Variants in ARID1B observed in about 807,000 individuals in gnomAD.
ARID1B encodes the protein AT-rich interaction domain 1B.
Under a neutral mutation model 212.3 loss-of-function variants are expected in ARID1B, and 30 were observed. That is an observed-to-expected ratio of 0.14 (90% confidence interval 0.11 to 0.19). The LOEUF is 0.19. ARID1B is among the 10% of genes least tolerant of loss of function. The pLI is 1.00. For synonymous variants in ARID1B, 1,402 were observed against 1,301.7 expected, an observed-to-expected ratio of 1.08 and a Z score of -1.66; for missense variants, 2,891 against 3,204.0, an observed-to-expected ratio of 0.90 and a Z score of 2.36.
chr6:156,853,715 T>C (rs1355285376), intron 2 of ARID1B, among the ~76,000 whole-genome samples: 1 of 152,136 alleles, frequency 6.6e-6, no homozygotes, highest in East Asian at 1.9e-4. Context: ...GGTCTCATAG[T>C]ATTACCTGCC....
chr6:156,797,116 C>T (rs1032444563), intron 1 of ARID1B, among the ~76,000 whole-genome samples: 1 of 152,128 alleles, frequency 6.6e-6, no homozygotes, highest in Non-Finnish European at 1.5e-5. Context: ...TAGCTGCTGC[C>T]GTCTACTCAG....
chr6:157,143,414 A>T (rs1789507345), intron 7 of ARID1B, among the ~76,000 whole-genome samples: 1 of 150,620 alleles, frequency 6.6e-6, no homozygotes, highest in South Asian at 2.1e-4. Context: ...TATTTTGGGA[A>T]GAAAGATACG....
intron 4 of ARID1B, among the ~76,000 whole-genome samples, chr6:157,006,525 G>A (rs891547707): frequency 2.6e-5 from 4 of 152,170 alleles, no homozygotes; most frequent in South Asian, 2.1e-4. Flanking sequence ...CTAGGAGAAC[G>A]TTTTTAATAA....
intron 1 of ARID1B, among the ~76,000 whole-genome samples, chr6:156,793,032 G>T (rs910480931): frequency 8.5e-5 from 13 of 152,120 alleles, no homozygotes; most frequent in African/African-American, 3.1e-4. Context: ...ACTGCAGTTC[G>T]CATGGCAGGC....
At position 157,148,210 on chromosome 6, in the gene ARID1B, T is replaced by G. The variant is rs1299864575; in HGVS notation, c.2762-414T>G. ...TTTTTGAGCCCTTTCACATGACTGT[T>G]GAAGGTAGCAGTGATCTAGTGGTGT... is the stretch of plus-strand genomic sequence containing the variant. On this transcript the variant is annotated intron_variant, in intron 7 of 19. Coordinates refer to ENST00000636930, the MANE Select transcript of ARID1B (RefSeq NM_001374828.1). This position sits in a 1 kb window ranked among gnomAD's most constrained non-coding sequence, Gnocchi z 5.6. Among the ~76,000 whole-genome samples, 1 of 152,146 alleles carries G rather than the reference T, an allele frequency of 6.6e-6. No individual in the cohort carries two copies. Among genetic ancestry groups the G allele is most frequent in the Non-Finnish European group, 1.5e-5 (1 of 68,026 alleles).
chr6:157,147,383 CCCCGCCTCCGACCCTGCCA>C, intron 7 of ARID1B, among the ~76,000 whole-genome samples: 3 of 83,078 alleles, frequency 3.6e-5, no homozygotes, highest in Non-Finnish European at 6.6e-5. Context: ...CAGCCCTCAC[CCCCGCCTCCGACCCTGCCA>C]TCCGTCCCTC....
chr6:156,901,689 C>G (rs1354263833), intron 3 of ARID1B, 164 bp downstream of exon 3: 3 of 899,068 alleles, frequency 3.3e-6, no homozygotes, highest in Admixed American at 3.1e-5. Context: ...TCTCTCCCTC[C>G]GTCTTTTCCC....
intron 1 of ARID1B, among the ~76,000 whole-genome samples, chr6:156,795,560 A>G (rs1474443570): frequency 1.3e-5 from 2 of 152,148 alleles, no homozygotes; most frequent in African/African-American, 2.4e-5. Context: ...AAACTCCTCC[A>G]GTTCTTCAGT....
intron 2 of ARID1B, among the ~76,000 whole-genome samples, chr6:156,830,215 G>C (rs1325264221): frequency 6.6e-6 from 1 of 152,134 alleles, no homozygotes; most frequent in East Asian, 1.9e-4. Flanking sequence ...TAGTTACTAG[G>C]AGCACCAGAA....
intron 4 of ARID1B, among the ~76,000 whole-genome samples, chr6:157,029,077 T>C (rs754628171): frequency 4.6e-5 from 7 of 152,218 alleles, no homozygotes; most frequent in Non-Finnish European, 8.8e-5. Context: ...ACATACTCAT[T>C]TTATTGCCAT....
At chr6:156,838,862 C>T (rs1317616411) in intron 2 of ARID1B, among the ~76,000 whole-genome samples, 1 of 152,074 alleles carries the variant, frequency 6.6e-6, no homozygotes, top group South Asian at 2.1e-4. Flanking sequence ...TCTGTGACCT[C>T]AGATACTCTC....
intron 8 of ARID1B, among the ~76,000 whole-genome samples, chr6:157,154,905 GT>G (rs1448593365): frequency 6.6e-6 from 1 of 151,610 alleles, no homozygotes; most frequent in East Asian, 1.9e-4. Context: ...CTACTTTTTT[GT>G]TTTGTTTTGT....
intron 1 of ARID1B, among the ~76,000 whole-genome samples, chr6:156,821,416 G>C (rs1040076160): frequency 1.3e-5 from 2 of 152,224 alleles, no homozygotes; most frequent in African/African-American, 2.4e-5. Context: ...AAGAGAAATA[G>C]CTTACAGCGA....
rs1330830235 is a variant in ARID1B at position 157,200,686 on chromosome 6, G to A, written c.4480-19G>A. ...CTGTAAGAGCACATCAGGATGATTT[G>A]TCTTTCTGTGAATTCCAGAATTACA... On this transcript the variant is annotated intron_variant, in intron 17 of 19. Transcript: ENST00000636930. The surrounding 1 kb of genome is among the most constrained non-coding windows in gnomAD (Gnocchi z 4.3). 2 of 1,582,470 alleles carry A rather than the reference G, an allele frequency of 1.3e-6. No homozygotes were observed. Among genetic ancestry groups the A allele is most frequent in the African/African-American group, 1.4e-5 (1 of 73,952 alleles).
Position 157,151,373 on chromosome 6 carries a change from A to G in ARID1B, c.3089+2422A>G, listed in dbSNP as rs552593526. ...CTGCAGTTGAGCTGACAGGCTATTC[A>G]TAGGACTTAGGAGGAGTTTCATTAT... On this transcript the variant is annotated intron_variant, in intron 8 of 19. Coordinates refer to ENST00000636930, the MANE Select transcript of ARID1B (RefSeq NM_001374828.1). 3 of 152,320 alleles carry G rather than the reference A, an allele frequency of 2.0e-5. No homozygotes were observed. The East Asian group carries it at 5.8e-4, about 29-fold the overall frequency. The allele number at this position is 152,320 out of a possible 1,614,324, so 9.4% of individuals were successfully genotyped here.
chr6:157,060,752 GTTTAC>G (rs1421035388), intron 4 of ARID1B, among the ~76,000 whole-genome samples: 1 of 148,580 alleles, frequency 6.7e-6, no homozygotes, highest in Non-Finnish European at 1.5e-5. Context: ...TCTGCTGATG[GTTTAC>G]TTTACACATT....
At chr6:157,012,096 C>T (rs570158964) in intron 4 of ARID1B, among the ~76,000 whole-genome samples, 1 of 152,276 alleles carries the variant, frequency 6.6e-6, no homozygotes, top group Admixed American at 6.5e-5. Flanking sequence ...AAGATGAACA[C>T]ATTTTAAACA....
intron 4 of ARID1B, among the ~76,000 whole-genome samples, chr6:157,063,379 A>T (rs1325663532): frequency 1.3e-5 from 2 of 152,188 alleles, no homozygotes; most frequent in African/African-American, 4.8e-5. Flanking sequence ...CAAAGGAGGA[A>T]ACAGCCTCAC....
In ARID1B at chr6:157,210,342, A is replaced by G; in HGVS notation, c.*2451A>G. On this transcript the variant is annotated 3_prime_UTR_variant, in exon 20 of 20. Transcript: ENST00000636930. ...TACAGAGTACAAATAAAAGGTGTAT[A>G]CAAACTCCGAACATATCCAGTATTC... 1 of 230,454 alleles carries G rather than the reference A, an allele frequency of 4.3e-6. No individual in the cohort carries two copies. Among genetic ancestry groups the G allele is most frequent in the Non-Finnish European group, 8.6e-6 (1 of 116,374 alleles). 14.3% of individuals were successfully genotyped at this position (230,454 alleles called of 1,614,324 possible).
Sources: gnomAD v4.1 joint callset for allele counts (sites outside exome capture counted in the v4.1 genomes callset) on GRCh38, gnomAD v4.1.1 for gene constraint, Gnocchi (gnomAD v3.1) non-coding constraint, MANE v1.5 for transcripts, NCBI Gene and HGNC (gene_info 2026-07-23, HGNC 2026-07-21) for gene names.